Variants in ARHGAP15 observed in about 807,000 individuals in gnomAD.
ARHGAP15 encodes Rho GTPase activating protein 15.
Under a neutral mutation model 63.7 loss-of-function variants are expected in ARHGAP15, and 51 were observed. The observed-to-expected ratio is 0.80, with a 90% confidence interval of 0.64 to 1.01. The LOEUF (loss-of-function observed/expected upper bound fraction) is 1.01. Among genes scored for constraint, ARHGAP15 ranks in the 50% least tolerant of loss-of-function variants. ARHGAP15 has a pLI of 0.00. For missense variants in ARHGAP15, 560 were observed against 564.6 expected, an observed-to-expected ratio of 0.99 and a Z score of 0.08; for synonymous variants, 191 against 193.8, an observed-to-expected ratio of 0.99 and a Z score of 0.12.
chr2:143,491,943 A>T (rs1027490130), intron 9 of ARHGAP15, among the ~76,000 whole-genome samples: 1 of 152,018 alleles, frequency 6.6e-6, no homozygotes. Context: ...GTGCTGTGGC[A>T]TGATCTCAGC....
intron 12 of ARHGAP15, among the ~76,000 whole-genome samples, chr2:143,642,968 A>G (rs1453926324): frequency 1.3e-5 from 2 of 152,168 alleles, no homozygotes; most frequent in Non-Finnish European, 2.9e-5. Context: ...CTGAAAGCAA[A>G]GCAGTAATTT....
rs150127285 is a variant in ARHGAP15 at position 143,155,542 on chromosome 2, C to T, written c.52C>T (p.Arg18Cys). Reference protein sequence around the residue: ...DTSVETLNSTRQGTGAVQMRI... With the variant: ...DTSVETLNSTCQGTGAVQMRI... The stretch of plus-strand genomic sequence containing the variant: ...TTCCGTGGAAACACTGAATTCTACC[C>T]GCCAAGGCACAGGAGCTGTGCAAAT... Residue 18 changes from arginine to cysteine, a missense_variant, in exon 2 of 14, where the codon CGC becomes TGC. Physicochemically the swap from Arg to Cys is radical, Grantham distance 180. Coordinates refer to ENST00000295095, the MANE Select transcript of ARHGAP15 (RefSeq NM_018460.4). The T allele has an allele frequency of 3.6e-4, 576 of 1,609,220 alleles. No homozygotes were observed. Among genetic ancestry groups the T allele is most frequent in the Admixed American group, 6.3e-4 (37 of 59,038 alleles).
rs1683340128 is a variant in ARHGAP15, at chr2:143,686,320, G to T, written c.1139-17099G>T. ...AATCGCTTGAACCCTGGAGGTGGAG[G>T]TTGCAGGGAACCAAGATTGCACCAC... On this transcript the variant is annotated intron_variant, in intron 12 of 13. Coordinates refer to ENST00000295095, the MANE Select transcript of ARHGAP15 (RefSeq NM_018460.4). Among the ~76,000 whole-genome samples, 2 of 144,166 alleles carry T rather than the reference G, an allele frequency of 1.4e-5. 1 individual carries two copies. The highest frequency in any genetic ancestry group is 4.5e-4 in the South Asian group (2 of 4,436). 94.6% of individuals were successfully genotyped at this position (144,166 alleles called of 152,430 possible).
chr2:143,355,392 G>T (rs1685765843), intron 6 of ARHGAP15, among the ~76,000 whole-genome samples: 1 of 152,012 alleles, frequency 6.6e-6, no homozygotes, highest in Non-Finnish European at 1.5e-5. Flanking sequence ...CTTATTACAT[G>T]TTCTGAAGTT....
At chr2:143,606,046 A>AAAAAAAG (rs1698003700) in intron 11 of ARHGAP15, among the ~76,000 whole-genome samples, 1 of 93,684 alleles carries the variant, frequency 1.1e-5, no homozygotes, top group Non-Finnish European at 2.3e-5. Context: ...AAAAAAAAAA[A>AAAAAAAG]AAAAAAAAAA....
rs369992361 is a variant in ARHGAP15 at position 143,504,706 on chromosome 2, G to A, written c.827-14560G>A. On this transcript the variant is annotated intron_variant, in intron 9 of 13. Transcript: ENST00000295095. ...ATGAATTACTGTCTTTTGCCCCATTGTGTTCTCCTCTCTCATTTCTTTCTC... is the reference window on the plus strand; with the variant it reads ...ATGAATTACTGTCTTTTGCCCCATTATGTTCTCCTCTCTCATTTCTTTCTC... 4.6e-5 allele frequency among the ~76,000 whole-genome samples: 7 copies of A among 152,268 alleles called. No individual in the cohort carries two copies. In the South Asian group the frequency reaches 6.2e-4, roughly 14 times the overall value.
chr2:143,584,437 C>A (rs1439232394), intron 11 of ARHGAP15, among the ~76,000 whole-genome samples: 1 of 152,028 alleles, frequency 6.6e-6, no homozygotes, highest in Non-Finnish European at 1.5e-5. Flanking sequence ...ACCAGCCTGG[C>A]CAACATGGTG....
intron 12 of ARHGAP15, among the ~76,000 whole-genome samples, chr2:143,691,495 G>T (rs1216468165): frequency 1.3e-5 from 2 of 152,152 alleles, no homozygotes; most frequent in Non-Finnish European, 2.9e-5. Flanking sequence ...ATTTAGAGTT[G>T]CACATTGCAT....
At chr2:143,360,219 TAA>T (rs34612735) in intron 6 of ARHGAP15, among the ~76,000 whole-genome samples, 88 of 137,852 alleles carry the variant, frequency 6.4e-4, no homozygotes, top group Admixed American at 8.0e-4. Context: ...TACAAGGAAT[TAA>T]AAAAAAAAAA....
At chr2:143,700,209 C>T (rs527414942) in intron 12 of ARHGAP15, among the ~76,000 whole-genome samples, 2 of 152,134 alleles carry the variant, frequency 1.3e-5, no homozygotes, top group Non-Finnish European at 2.9e-5. Context: ...TCTAAGAAAG[C>T]TCACAATTAT....
chr2:143,694,333 C>A lies in ARHGAP15; in HGVS notation c.1139-9086C>A, dbSNP rs540769643. Among the ~76,000 whole-genome samples the A allele has an allele frequency of 2.0e-5, 3 of 152,216 alleles. No individual in the cohort carries two copies. The South Asian group carries it at 6.2e-4, about 32-fold the overall frequency. ...CAACATACAATTTTCTACCTAGCTG[C>A]AAATAATAATTCATAGTGATGTCCC... On this transcript the variant is annotated intron_variant, in intron 12 of 13. Coordinates refer to ENST00000295095, the MANE Select transcript of ARHGAP15 (RefSeq NM_018460.4).
intron 11 of ARHGAP15, among the ~76,000 whole-genome samples, chr2:143,603,091 T>A (rs892883193): frequency 6.6e-6 from 1 of 152,194 alleles, no homozygotes; most frequent in African/African-American, 2.4e-5. Context: ...TATTCCTTAT[T>A]GATTTTGCCT....
chr2:143,374,846 G>A (rs894700296), intron 6 of ARHGAP15, among the ~76,000 whole-genome samples: 1 of 152,000 alleles, frequency 6.6e-6, no homozygotes, highest in Non-Finnish European at 1.5e-5. Flanking sequence ...CCAGACTAAT[G>A]ACTCCTCCAG....
intron 10 of ARHGAP15, among the ~76,000 whole-genome samples, chr2:143,546,590 T>G (rs1419605251): frequency 1.3e-5 from 2 of 152,102 alleles, no homozygotes; most frequent in African/African-American, 4.8e-5. Flanking sequence ...GCTGTGTAGA[T>G]CTCAGGTTAT....
chr2:143,587,203 C>A (rs1214712202), intron 11 of ARHGAP15, among the ~76,000 whole-genome samples: 4 of 152,076 alleles, frequency 2.6e-5, no homozygotes, highest in African/African-American at 9.7e-5. Flanking sequence ...AAACTGTAAC[C>A]CTTTAAAGGA....
chr2:143,682,462 A>G (rs900564486), intron 12 of ARHGAP15, among the ~76,000 whole-genome samples: 24 of 152,202 alleles, frequency 1.6e-4, no homozygotes, highest in African/African-American at 5.8e-4. Flanking sequence ...AAATGTGAAA[A>G]TGCAAAAACA....
chr2:143,327,079 AAGTC>A (rs1366486841), intron 6 of ARHGAP15, among the ~76,000 whole-genome samples: 1 of 152,202 alleles, frequency 6.6e-6, no homozygotes, highest in Non-Finnish European at 1.5e-5. Context: ...TCAGGATACA[AAGTC>A]AGTGTGCAAA....
chr2:143,235,232 T>C (rs183642842), intron 5 of ARHGAP15, among the ~76,000 whole-genome samples: 2 of 150,118 alleles, frequency 1.3e-5, no homozygotes, highest in African/African-American at 2.5e-5. Context: ...ATAAGAAACA[T>C]AGTAGAGTTG....
At chr2:143,581,287 T>C (rs1696893278) in intron 11 of ARHGAP15, among the ~76,000 whole-genome samples, 1 of 152,152 alleles carries the variant, frequency 6.6e-6, no homozygotes, top group Non-Finnish European at 1.5e-5. Context: ...CTGGGCTCAT[T>C]GTGGCAAACA....
Sources: gnomAD v4.1 joint callset for allele counts (sites outside exome capture counted in the v4.1 genomes callset) on GRCh38, gnomAD v4.1.1 for gene constraint, MANE v1.5 for transcripts, NCBI Gene and HGNC (gene_info 2026-07-23, HGNC 2026-07-21) for gene names.